FBXO41: variants seen among roughly 807,000 people sequenced by gnomAD.
FBXO41 encodes the protein F-box protein 41.
In FBXO41, 33 loss-of-function variants were observed where a neutral mutation model predicts 81.6. That is an observed-to-expected ratio of 0.40 (90% confidence interval 0.31 to 0.54). FBXO41 has a LOEUF of 0.54. FBXO41 is among the 20% of genes least tolerant of loss of function. FBXO41 has a pLI of 0.39. For missense variants in FBXO41, 1,107 were observed against 1,236.0 expected (o/e 0.90, Z 1.56); for synonymous variants, 576 against 552.7 (o/e 1.04, Z -0.59).
At chr2:73,280,114 C>T (rs1688805992) in intron 1 of FBXO41, among the ~76,000 whole-genome samples, 1 of 151,942 alleles carries the variant, frequency 6.6e-6, no homozygotes, top group Non-Finnish European at 1.5e-5. Context: ...AGCGACCCCC[C>T]CTGCCCCCGC....
At chr2:73,276,315 C>G (rs1002998056) in intron 1 of FBXO41, among the ~76,000 whole-genome samples, 1 of 151,392 alleles carries the variant, frequency 6.6e-6, no homozygotes, top group Non-Finnish European at 1.5e-5. Flanking sequence ...GAGGCTGAGG[C>G]AGCATAATCA....
chr2:73,259,317 T>TA lies in FBXO41; in HGVS notation c.2450-22dup. ...GATGCCTGAGAAAAGGTGAGCAAAG[T>TA]AGGGGCGTGTTTGGCCTGGGCTGTG... On this transcript the variant is annotated intron_variant, in intron 11 of 12. Coordinates refer to ENST00000520530, the MANE Select transcript of FBXO41 (RefSeq NM_001371389.2). The surrounding 1 kb of genome is among the most constrained non-coding windows in gnomAD (Gnocchi z 4.2). The TA allele has an allele frequency of 6.2e-7, 1 of 1,606,386 alleles. No individual in the cohort carries two copies. Among genetic ancestry groups the TA allele is most frequent in the Non-Finnish European group, 8.5e-7 (1 of 1,173,100 alleles).
At position 73,260,873 on chromosome 2, in the gene FBXO41, G is replaced by C. The variant is rs373617282; in HGVS notation, c.2172-15C>G. 1.7e-5 allele frequency: 26 copies of C among 1,547,422 alleles called. No homozygotes were observed. The highest frequency in any genetic ancestry group is 2.2e-5 in the Non-Finnish European group (25 of 1,143,258). ...TGGGCTGCTGGCTGGAGAATGGGAAGGGGGAGCCGTCAGGGAAGTCTCTGG... is the reference window on the plus strand; with the variant it reads ...TGGGCTGCTGGCTGGAGAATGGGAACGGGGAGCCGTCAGGGAAGTCTCTGG... On this transcript the variant is annotated splice_polypyrimidine_tract_variant and intron_variant, in intron 9 of 12. Transcript: ENST00000520530. The surrounding 1 kb of genome is among the most constrained non-coding windows in gnomAD (Gnocchi z 5.0).
At chr2:73,261,194 C>T (rs1409226771) in intron 9 of FBXO41, among the ~76,000 whole-genome samples, 1 of 151,998 alleles carries the variant, frequency 6.6e-6, no homozygotes, top group Non-Finnish European at 1.5e-5. Context: ...GTAGACAGGA[C>T]TACAGGCATG....
chr2:73,279,037 T>C (rs1359894890), intron 1 of FBXO41, among the ~76,000 whole-genome samples: 1 of 152,178 alleles, frequency 6.6e-6, no homozygotes, highest in African/African-American at 2.4e-5. Context: ...GGAAGAAGGT[T>C]GTTGGAACAC....
Position 73,269,335 on chromosome 2 carries a change from G to T in FBXO41, c.296C>A (p.Ser99Ter). ...FQGKEQAAGPSPAAPHLLHHH... is the reference protein window; with the variant it reads ...FQGKEQAAGP ...GTGCAGCAGGTGCGGCGCCGCGGGCGACGGCCCGGCCGCCTGCTCCTTGCC... is the reference window on the plus strand; with the variant it reads ...GTGCAGCAGGTGCGGCGCCGCGGGCTACGGCCCGGCCGCCTGCTCCTTGCC... Residue 99 changes from serine (S) to a stop codon, truncating the protein, a stop_gained, in exon 2 of 13, where the codon TCG becomes TAG. Transcript: ENST00000520530. LOFTEE classifies it high-confidence loss of function. This position sits in a 1 kb window ranked among gnomAD's most constrained non-coding sequence, Gnocchi z 7.0. 6.6e-7 allele frequency: 1 copy of T among 1,521,472 alleles called. No homozygotes were observed. Among genetic ancestry groups the T allele is most frequent in the Non-Finnish European group, 8.8e-7 (1 of 1,135,534 alleles). The allele number at this position is 1,521,472 out of a possible 1,614,324, so 94.2% of individuals were successfully genotyped here. A position where few individuals can be genotyped will look rare whatever the true frequency, so the allele number is the denominator to read the frequency against.
Position 73,266,079 on chromosome 2 carries a change from G to A in FBXO41, c.1132-113C>T, listed in dbSNP as rs1688263692. On this transcript the variant is annotated intron_variant, in intron 3 of 12. Coordinates refer to ENST00000520530, the MANE Select transcript of FBXO41 (RefSeq NM_001371389.2). The surrounding 1 kb of genome is among the most constrained non-coding windows in gnomAD (Gnocchi z 5.3). ...TGGAGAGGAGATGGGGGAGAGGAGAGAGAAGGGAAAATAGTTGGGAAAGAT... is the reference window on the plus strand; with the variant it reads ...TGGAGAGGAGATGGGGGAGAGGAGAAAGAAGGGAAAATAGTTGGGAAAGAT... The A allele has an allele frequency of 2.2e-6, 2 of 908,810 alleles. No homozygotes were observed. The highest frequency in any genetic ancestry group is 2.7e-5 in the East Asian group (1 of 37,350). The allele number at this position is 908,810 out of a possible 1,614,324, so 56.3% of individuals were successfully genotyped here. A position where few individuals can be genotyped will look rare whatever the true frequency, so the allele number is the denominator to read the frequency against.
rs1435678635 is a variant in FBXO41, at chr2:73,260,099, A to T, written c.2449+290T>A. Among the ~76,000 whole-genome samples the T allele has an allele frequency of 6.6e-6, 1 of 152,120 alleles. No homozygotes were observed. Among genetic ancestry groups the T allele is most frequent in the African/African-American group, 2.4e-5 (1 of 41,406 alleles). ...GTCCTTGGGGGGGCTTCCATATATC[A>T]TCTCATTTAATCCTCTCACCCATCC... On this transcript the variant is annotated intron_variant, in intron 11 of 12. Transcript: ENST00000520530. The surrounding 1 kb of genome is among the most constrained non-coding windows in gnomAD (Gnocchi z 5.0).
intron 6 of FBXO41, 40 bp downstream of exon 6, chr2:73,264,238 G>A: frequency 1.9e-6 from 3 of 1,611,090 alleles, no homozygotes; most frequent in Non-Finnish European, 2.5e-6. Context: ...GGGAAAGGTG[G>A]GTTCACAGCA....
rs1347463864 is a variant in FBXO41 at position 73,265,318 on chromosome 2, C to T, written c.1528G>A (p.Ala510Thr). ...GPLDAPRPGP[A>T]MAGPLSSCRL... ...CAGCTGCTCAATGGCCCAGCCATAGCAGGCCCGGGGCGGGGCGCATCCAAC... is the reference window on the plus strand; with the variant it reads ...CAGCTGCTCAATGGCCCAGCCATAGTAGGCCCGGGGCGGGGCGCATCCAAC... Residue 510 changes from alanine (A) to threonine (T), a missense_variant, in exon 5 of 13, where the codon GCT becomes ACT. This residue lies in a region of FBXO41 where 771 missense variants were observed against 789.2 expected (regional missense o/e 0.98). Coordinates refer to ENST00000520530, the MANE Select transcript of FBXO41 (RefSeq NM_001371389.2). 6.2e-7 allele frequency: 1 copy of T among 1,610,658 alleles called. No individual in the cohort carries two copies. Among genetic ancestry groups the T allele is most frequent in the Non-Finnish European group, 8.5e-7 (1 of 1,179,524 alleles).
chr2:73,277,740 T>C (rs1688736898), intron 1 of FBXO41, among the ~76,000 whole-genome samples: 1 of 152,214 alleles, frequency 6.6e-6, no homozygotes, highest in Non-Finnish European at 1.5e-5. Context: ...AGCTCCTGTT[T>C]CCTGTCACAT....
At chr2:73,261,905 A>G (rs766351316) in intron 9 of FBXO41, among the ~76,000 whole-genome samples, 19 of 152,188 alleles carry the variant, frequency 1.2e-4, no homozygotes, top group Non-Finnish European at 1.9e-4. Flanking sequence ...CATCTGGTGG[A>G]GGAGATAGAA....
In FBXO41 at chr2:73,254,808, T is replaced by G. The variant is rs1687745447; in HGVS notation, c.*4174A>C. On this transcript the variant is annotated 3_prime_UTR_variant, in exon 13 of 13. Transcript: ENST00000520530. ...AGCAAAGGGCATCTTACGGGTGACATGGAGCAAAGTGCTGGGATGGCGATG... is the reference window on the plus strand; with the variant it reads ...AGCAAAGGGCATCTTACGGGTGACAGGGAGCAAAGTGCTGGGATGGCGATG... 6.5e-6 allele frequency: 1 copy of G among 152,680 alleles called. No individual in the cohort carries two copies. The highest frequency in any genetic ancestry group is 2.4e-5 in the African/African-American group (1 of 41,460). The allele number at this position is 152,680 out of a possible 1,614,324, so 9.5% of individuals were successfully genotyped here.
At chr2:73,267,483 C>T (rs936878396) in intron 2 of FBXO41, among the ~76,000 whole-genome samples, 7 of 152,224 alleles carry the variant, frequency 4.6e-5, no homozygotes, top group Non-Finnish European at 1.5e-5. Context: ...AATGCATTCC[C>T]GGTTGTTTGT....
chr2:73,265,412 G>T lies in FBXO41; in HGVS notation c.1434C>A (p.Ser478Arg). Residue 478 changes from serine (S) to arginine (R), a missense_variant, in exon 5 of 13, where the codon AGC becomes AGA. This residue lies in a region of FBXO41 where 771 missense variants were observed against 789.2 expected (regional missense o/e 0.98). Coordinates refer to ENST00000520530, the MANE Select transcript of FBXO41 (RefSeq NM_001371389.2). ...AGACATCACCCTCTTCCCCCTCAGT[G>T]CTGTGTCGGCGGGGTCTGCGCTGCC... ...QNWQRRPRRHSTEGEEGDVSD... is the reference protein window; with the variant it reads ...QNWQRRPRRHRTEGEEGDVSD... 6.2e-7 allele frequency: 1 copy of T among 1,610,140 alleles called. No individual in the cohort carries two copies.
In FBXO41 at chr2:73,266,081, G is replaced by A. The variant is rs1323729984; in HGVS notation, c.1132-115C>T. On this transcript the variant is annotated intron_variant, in intron 3 of 12. Transcript: ENST00000520530. This position sits in a 1 kb window ranked among gnomAD's most constrained non-coding sequence, Gnocchi z 5.3. ...GAGAGGAGATGGGGGAGAGGAGAGA[G>A]AAGGGAAAATAGTTGGGAAAGATGG... 4 of 922,070 alleles carry A rather than the reference G, an allele frequency of 4.3e-6. No individual in the cohort carries two copies. The African/African-American group carries it at 4.9e-5, about 11-fold the overall frequency. 57.1% of individuals were successfully genotyped at this position (922,070 alleles called of 1,614,324 possible).
Position 73,266,761 on chromosome 2 carries a change from C to A in FBXO41, c.906-79G>T. 1 of 1,451,574 alleles carries A rather than the reference C, an allele frequency of 6.9e-7. No homozygotes were observed. The highest frequency in any genetic ancestry group is 2.6e-5 in the East Asian group (1 of 39,004). 89.9% of individuals were successfully genotyped at this position (1,451,574 alleles called of 1,614,324 possible). On this transcript the variant is annotated intron_variant, in intron 2 of 12. Transcript: ENST00000520530. The surrounding 1 kb of genome is among the most constrained non-coding windows in gnomAD (Gnocchi z 5.3). Reference sequence around the variant, plus strand: ...CCTCTGGAGGAGAGCCTGGCCAGTGCGGGGAGACACTGGCACAGCTGCCTG... The same window carrying A: ...CCTCTGGAGGAGAGCCTGGCCAGTGAGGGGAGACACTGGCACAGCTGCCTG...
Position 73,259,214 on chromosome 2 carries a change from C to A in FBXO41, c.2532G>T (p.Gln844His), listed in dbSNP as rs777267477. ...TTGTCACCATGTCCTCAAACAGCTT[C>A]TGGGCCTCAGGGCTGCTGGGCTCTT... Reference protein sequence around the residue: ...YFKEPSSPEAQKLFEDMVTKL... With the variant: ...YFKEPSSPEAHKLFEDMVTKL... The change falls in exon 12 of 13, where the codon CAG (glutamine) becomes CAT (histidine). Residue 844 changes from glutamine to histidine, a missense_variant. Coordinates refer to ENST00000520530, the MANE Select transcript of FBXO41 (RefSeq NM_001371389.2). This position sits in a 1 kb window ranked among gnomAD's most constrained non-coding sequence, Gnocchi z 4.2. The A allele has an allele frequency of 6.2e-7, 1 of 1,613,910 alleles. No individual in the cohort carries two copies. The highest frequency in any genetic ancestry group is 1.1e-5 in the South Asian group (1 of 91,090).
chr2:73,283,277 C>T (rs563367111), intron 1 of FBXO41, among the ~76,000 whole-genome samples: 1 of 152,308 alleles, frequency 6.6e-6, no homozygotes, highest in Admixed American at 6.5e-5. Context: ...GTGGCTGTGG[C>T]CCCAACATGT....
Sources: allele counts gnomAD v4.1 joint callset (sites outside exome capture counted in the v4.1 genomes callset), GRCh38; gene constraint gnomAD v4.1.1; regional missense constraint gnomAD v4.1.1; non-coding constraint Gnocchi (gnomAD v3.1); transcripts MANE v1.5; gene names NCBI Gene and HGNC (gene_info 2026-07-23, HGNC 2026-07-21).